Variants in SAXO1 observed in about 807,000 individuals in gnomAD.
SAXO1 encodes the protein stabilizer of axonemal microtubules 1.
In SAXO1, 21 loss-of-function variants were observed where a neutral mutation model predicts 17.5. That is an observed-to-expected ratio of 1.20 (90% CI 0.85 to 1.72). The LOEUF (loss-of-function observed/expected upper bound fraction) is 1.72, where lower values mean the gene tolerates loss of function less well. Ranked by LOEUF, SAXO1 falls within the 40% of genes most tolerant of loss-of-function variation. SAXO1 has a pLI of 0.00. For missense variants in SAXO1, 843 were observed against 596.0 expected (o/e 1.41, Z -4.32); for synonymous variants, 274 against 216.5 (o/e 1.27, Z -2.33).
intron 1 of SAXO1, among the ~76,000 whole-genome samples, chr9:18,994,745 C>T (rs572590265): frequency 7.2e-5 from 11 of 152,276 alleles, no homozygotes; most frequent in Admixed American, 2.0e-4. Flanking sequence ...CCCTAAGATC[C>T]CTTCCCCTCT....
At chr9:18,960,763 A>T (rs1054152418) in intron 1 of SAXO1, among the ~76,000 whole-genome samples, 1 of 151,728 alleles carries the variant, frequency 6.6e-6, no homozygotes, top group Non-Finnish European at 1.5e-5. Context: ...CCAGGACAAC[A>T]GAGCAAGACC....
At chr9:18,998,823 T>C (rs984413786) in intron 1 of SAXO1, among the ~76,000 whole-genome samples, 4 of 152,264 alleles carry the variant, frequency 2.6e-5, no homozygotes, top group Non-Finnish European at 5.9e-5. Context: ...CTTAAAGACA[T>C]GTTCAACCTG....
chr9:18,942,135 A>G (rs1428663569), intron 2 of SAXO1, among the ~76,000 whole-genome samples: 1 of 149,584 alleles, frequency 6.7e-6, no homozygotes, highest in East Asian at 1.9e-4. Flanking sequence ...CTTGGTCCAG[A>G]TCCTGACAAT....
At chr9:19,042,354 T>A (rs1001020134) in intron 1 of SAXO1, among the ~76,000 whole-genome samples, 1 of 152,140 alleles carries the variant, frequency 6.6e-6, no homozygotes, top group African/African-American at 2.4e-5. Context: ...GAAATGTAAA[T>A]TATTACAACC....
At chr9:19,039,869 C>T (rs1414005127) in intron 1 of SAXO1, among the ~76,000 whole-genome samples, 2 of 152,126 alleles carry the variant, frequency 1.3e-5, no homozygotes, top group East Asian at 3.9e-4. Flanking sequence ...GGTGGGATTA[C>T]AGGCGCCTGC....
At chr9:19,009,068 T>C (rs1238036913) in intron 1 of SAXO1, among the ~76,000 whole-genome samples, 1 of 152,174 alleles carries the variant, frequency 6.6e-6, no homozygotes, top group Admixed American at 6.5e-5. Context: ...AAATATAATT[T>C]ATTTTAATCA....
chr9:19,012,086 C>T (rs916183157), intron 1 of SAXO1, among the ~76,000 whole-genome samples: 2 of 152,176 alleles, frequency 1.3e-5, no homozygotes, highest in African/African-American at 4.8e-5. Context: ...CCTCATGATC[C>T]GCCCACCTTG....
chr9:19,018,977 C>T (rs1044111784), intron 1 of SAXO1, among the ~76,000 whole-genome samples: 22 of 152,078 alleles, frequency 1.4e-4, no homozygotes, highest in Non-Finnish European at 2.9e-4. Context: ...GGCTTGGTGG[C>T]GGGCACCTGT....
Position 18,944,389 on chromosome 9 carries a change from A to T in SAXO1, c.219-2550T>A, listed in dbSNP as rs937359510. Reference sequence around the variant, plus strand: ...CTGTCATTAACCGCAACATAACTGCATGTCCCCAATCACACATAATCTTAC... The same window carrying T: ...CTGTCATTAACCGCAACATAACTGCTTGTCCCCAATCACACATAATCTTAC... On this transcript the variant is annotated intron_variant, in intron 2 of 3. Transcript: ENST00000380534. Among the ~76,000 whole-genome samples the T allele has an allele frequency of 2.0e-5, 3 of 152,242 alleles. No individual in the cohort carries two copies. In the East Asian group the frequency reaches 5.8e-4, roughly 29 times the overall value.
intron 1 of SAXO1, among the ~76,000 whole-genome samples, chr9:19,001,820 A>C (rs1834283248): frequency 6.6e-6 from 1 of 152,176 alleles, no homozygotes; most frequent in African/African-American, 2.4e-5. Flanking sequence ...GCACCCTAAC[A>C]TCACAATTAA....
intron 1 of SAXO1, among the ~76,000 whole-genome samples, chr9:18,971,917 C>A (rs1054273040): frequency 9.0e-6 from 1 of 111,000 alleles, no homozygotes; most frequent in African/African-American, 3.6e-5. Flanking sequence ...CCCCAAATAT[C>A]CTGCTTTATA....
intron 1 of SAXO1, among the ~76,000 whole-genome samples, chr9:18,976,287 G>T (rs1016424570): frequency 4.6e-5 from 7 of 152,158 alleles, no homozygotes; most frequent in Non-Finnish European, 8.8e-5. Context: ...GCTGAAAAAG[G>T]TTGTCTTTTC....
At chr9:19,026,909 T>A (rs1835497306) in intron 1 of SAXO1, 4 of 756,840 alleles carry the variant, frequency 5.3e-6, no homozygotes, top group East Asian at 2.9e-5. Context: ...CCGTGTGGGA[T>A]GAGGCCAAGC....
chr9:18,972,221 G>A (rs908060636), intron 1 of SAXO1, among the ~76,000 whole-genome samples: 7 of 152,118 alleles, frequency 4.6e-5, no homozygotes, highest in East Asian at 1.9e-4. Context: ...TTTATTTCTG[G>A]TAGAAGATAG....
chr9:18,988,516 C>G (rs1484589418), intron 1 of SAXO1, among the ~76,000 whole-genome samples: 2 of 152,166 alleles, frequency 1.3e-5, no homozygotes, highest in Non-Finnish European at 2.9e-5. Context: ...AATAAAATTT[C>G]AGCTTACATC....
At position 19,023,147 on chromosome 9, in the gene SAXO1, C is replaced by A. The variant is rs10963913; in HGVS notation, c.38+9724G>T. On this transcript the variant is annotated intron_variant, in intron 1 of 3. Transcript: ENST00000380534. The stretch of plus-strand genomic sequence containing the variant: ...CCCAAACACCAGATTACATCCCCCC[C>A]CACCCCCCCGCCCCACCGGAGTTAA... Among the ~76,000 whole-genome samples, 56 of 125,976 alleles carry A rather than the reference C, an allele frequency of 4.4e-4. No individual in the cohort carries two copies. In the East Asian group the frequency reaches 0.015, roughly 33 times the overall value. The allele number at this position is 125,976 out of a possible 152,430, so 82.6% of individuals were successfully genotyped here.
rs969622411 is a variant in SAXO1, at chr9:19,032,782, C to A, written c.38+89G>T. 3.1e-4 allele frequency: 451 copies of A among 1,451,730 alleles called. 3 individuals are homozygous for A. The highest frequency in any genetic ancestry group is 5.3e-4 in the Middle Eastern group (3 of 5,694). The allele number at this position is 1,451,730 out of a possible 1,614,324, so 89.9% of individuals were successfully genotyped here. ...AGTGGACGAACCCACCGTGATGCCGCCTGATGAAGCAGCTGGGGGAGGCTT... is the reference window on the plus strand; with the variant it reads ...AGTGGACGAACCCACCGTGATGCCGACTGATGAAGCAGCTGGGGGAGGCTT... On this transcript the variant is annotated intron_variant, in intron 1 of 3. Transcript: ENST00000380534.
At chr9:18,970,761 T>C (rs952199350) in intron 1 of SAXO1, among the ~76,000 whole-genome samples, 2 of 152,182 alleles carry the variant, frequency 1.3e-5, no homozygotes, top group Admixed American at 6.5e-5. Flanking sequence ...GGGGTACAAG[T>C]ATGCTTTTTA....
chr9:19,017,550 T>G (rs1442736207), intron 1 of SAXO1, among the ~76,000 whole-genome samples: 1 of 151,996 alleles, frequency 6.6e-6, no homozygotes, highest in African/African-American at 2.4e-5. Flanking sequence ...CTCTGCAGAG[T>G]GATTTGGGCT....
Sources: gnomAD v4.1 joint callset for allele counts (sites outside exome capture counted in the v4.1 genomes callset) on GRCh38, gnomAD v4.1.1 for gene constraint, MANE v1.5 for transcripts, NCBI Gene and HGNC (gene_info 2026-07-23, HGNC 2026-07-21) for gene names.